Variants in POLDIP3 observed in about 807,000 individuals in gnomAD.
POLDIP3 encodes polymerase delta-interacting protein 3.
Under a neutral mutation model 45.1 loss-of-function variants are expected in POLDIP3, and 14 were observed. The ratio of observed to expected loss-of-function variants is 0.31; its 90% CI spans 0.20 to 0.49. The LOEUF (loss-of-function observed/expected upper bound fraction) is 0.49, where lower values mean the gene tolerates loss of function less well. Ranked by LOEUF, POLDIP3 falls within the 20% of genes least tolerant of loss-of-function variation. The probability of loss-of-function intolerance (pLI) is 0.99; values close to 1 mark genes in which losing one functional copy is unlikely to be tolerated. For missense variants in POLDIP3, 511 were observed against 538.8 expected (o/e 0.95, Z 0.51); for synonymous variants, 223 against 205.2 (o/e 1.09, Z -0.74).
chr22:42,602,785 G>T lies in POLDIP3; in HGVS notation c.435C>A (p.Leu145=). The change falls in exon 2 of 9, where the codon CTC becomes CTA. Residue 145 remains leucine (L), a synonymous_variant. Coordinates refer to ENST00000252115, the MANE Select transcript of POLDIP3 (RefSeq NM_032311.5). ...CACAACTCACCTGGATGGTTTTGGT[G>T]AGCTTCAGAGCAGGGGTCACTGTCC... The part of the protein sequence containing the change: ...PIGTVTPALK[L]TKTIQVPQQK... The T allele has an allele frequency of 6.2e-7, 1 of 1,603,480 alleles. No individual in the cohort carries two copies.
rs561073410 is a variant in POLDIP3 at position 42,613,308 on chromosome 22, G to A, written c.59+1491C>T. Among the ~76,000 whole-genome samples the A allele has an allele frequency of 1.7e-3, 254 of 152,318 alleles. 3 individuals are homozygous for A. The highest frequency in any genetic ancestry group is 5.8e-3 in the African/African-American group (243 of 41,568). On this transcript the variant is annotated intron_variant, in intron 1 of 8. Coordinates refer to ENST00000252115, the MANE Select transcript of POLDIP3 (RefSeq NM_032311.5). ...AGGAAACAAATACTAATGTGTGCCCGTTACGAACCACAAGCCAGGTAAGTG... is the reference window on the plus strand; with the variant it reads ...AGGAAACAAATACTAATGTGTGCCCATTACGAACCACAAGCCAGGTAAGTG...
At chr22:42,587,684 T>C (rs1209744623) in intron 7 of POLDIP3, 112 bp from the exon 8 acceptor site, 6 of 1,008,870 alleles carry the variant, frequency 5.9e-6, no homozygotes, top group African/African-American at 1.6e-5. Flanking sequence ...CACTGGCAGT[T>C]CTGGCTCCAC....
In POLDIP3 at chr22:42,585,376, C is replaced by T; in HGVS notation, c.*415G>A. The T allele has an allele frequency of 4.9e-6, 2 of 405,566 alleles. No individual in the cohort carries two copies. The highest frequency in any genetic ancestry group is 5.9e-5 in the Admixed American group (2 of 33,622). 25.1% of individuals were successfully genotyped at this position (405,566 alleles called of 1,614,324 possible). Reference sequence around the variant, plus strand: ...CCTCCATTGTTTGAAAAGCTTAATACACACAAAGGAAAGGCAGCCCCTCGG... The same window carrying T: ...CCTCCATTGTTTGAAAAGCTTAATATACACAAAGGAAAGGCAGCCCCTCGG... On this transcript the variant is annotated 3_prime_UTR_variant, in exon 9 of 9. Transcript: ENST00000252115.
At chr22:42,600,430 T>A (rs1054952906) in intron 3 of POLDIP3, among the ~76,000 whole-genome samples, 1 of 146,986 alleles carries the variant, frequency 6.8e-6, no homozygotes, top group African/African-American at 2.5e-5. Context: ...ATCGAGATCA[T>A]CCTGGCTAAC....
intron 7 of POLDIP3, 147 bp downstream of exon 7, chr22:42,591,808 C>G (rs1601885516): frequency 9.2e-7 from 1 of 1,089,546 alleles, no homozygotes; most frequent in Non-Finnish European, 1.3e-6. Flanking sequence ...CAGGACTACT[C>G]AGAGACTGCA....
In POLDIP3 at chr22:42,608,579, G is replaced by C. The variant is rs1480711412; in HGVS notation, c.60-5419C>G. Among the ~76,000 whole-genome samples, 3 of 152,136 alleles carry C rather than the reference G, an allele frequency of 2.0e-5. No individual in the cohort carries two copies. In the East Asian group the frequency reaches 5.8e-4, roughly 29 times the overall value. On this transcript the variant is annotated intron_variant, in intron 1 of 8. Coordinates refer to ENST00000252115, the MANE Select transcript of POLDIP3 (RefSeq NM_032311.5). ...ATAAAGGAAGGATAAACAGTCCGCA[G>C]GCTGAAGAAATCTTAGGACTCCGGT...
rs1301098341 is a variant in POLDIP3 at position 42,610,136 on chromosome 22, T to C, written c.59+4663A>G. On this transcript the variant is annotated intron_variant, in intron 1 of 8. Transcript: ENST00000252115. Reference sequence around the variant, plus strand: ...TTTCGGTGAGCTGAGATCGCGCCATTGCACTCCAGCCTGGGCAGCAAGAGC... The same window carrying C: ...TTTCGGTGAGCTGAGATCGCGCCATCGCACTCCAGCCTGGGCAGCAAGAGC... 2.0e-5 allele frequency among the ~76,000 whole-genome samples: 3 copies of C among 152,214 alleles called. 1 individual carries two copies. Among genetic ancestry groups the C allele is most frequent in the South Asian group, 4.2e-4 (2 of 4,812 alleles).
At chr22:42,601,818 G>A in intron 3 of POLDIP3, 152 bp downstream of exon 3, 1 of 928,232 alleles carries the variant, frequency 1.1e-6, no homozygotes, top group Non-Finnish European at 1.5e-6. Flanking sequence ...AAAGTTCGCT[G>A]TAACCCTGCC....
intron 4 of POLDIP3, 121 bp downstream of exon 4, chr22:42,599,577 A>G: frequency 1.3e-6 from 1 of 750,092 alleles, no homozygotes; most frequent in Non-Finnish European, 2.2e-6. Flanking sequence ...GCACTCCAGC[A>G]GCCTGGGGGA....
intron 1 of POLDIP3, among the ~76,000 whole-genome samples, chr22:42,612,415 G>A (rs566019330): frequency 2.0e-5 from 3 of 152,348 alleles, no homozygotes; most frequent in Admixed American, 6.5e-5. Flanking sequence ...GGTGGTCTGC[G>A]TCTAGAGTCC....
chr22:42,595,597 C>T lies in POLDIP3; in HGVS notation c.831G>A (p.Leu277=). The T allele has an allele frequency of 6.2e-7, 1 of 1,613,948 alleles. No individual in the cohort carries two copies. The highest frequency in any genetic ancestry group is 8.5e-7 in the Non-Finnish European group (1 of 1,179,936). ...TATTCACAGTCATCTTGGTGCCTTC[C>T]AATGGGCTGAGAACAGGCTGCCACA... ...LPAAEPVLSP[L]EGTKMTVNNL... is the part of the protein sequence containing the mutation. Residue 277 remains leucine (L), a synonymous_variant, in exon 6 of 9, where the codon TTG becomes TTA. Transcript: ENST00000252115.
intron 5 of POLDIP3, 22 bp from the exon 6 acceptor site, chr22:42,595,636 T>C: frequency 6.2e-7 from 1 of 1,608,612 alleles, no homozygotes; most frequent in Non-Finnish European, 8.5e-7. Flanking sequence ...ACAAGAGCAT[T>C]ACCAGAAGCC....
intron 3 of POLDIP3, among the ~76,000 whole-genome samples, chr22:42,601,693 A>G (rs1926387084): frequency 6.6e-6 from 1 of 152,216 alleles, no homozygotes; most frequent in Admixed American, 6.5e-5. Context: ...CCCGGGAGGC[A>G]GAGGTTGCAG....
intron 7 of POLDIP3, 45 bp from the exon 8 acceptor site, chr22:42,587,617 C>T (rs1925394352): frequency 6.4e-7 from 1 of 1,553,106 alleles, no homozygotes; most frequent in Non-Finnish European, 8.9e-7. Flanking sequence ...GAGACCTCGG[C>T]TCCTCACACA....
intron 6 of POLDIP3, among the ~76,000 whole-genome samples, chr22:42,594,694 ATGT>A (rs1925876550): frequency 6.6e-6 from 1 of 152,194 alleles, no homozygotes; most frequent in Non-Finnish European, 1.5e-5. Context: ...AATGAAAATG[ATGT>A]TGAAAAGAAG....
intron 7 of POLDIP3, among the ~76,000 whole-genome samples, chr22:42,589,646 C>T (rs1021159530): frequency 3.9e-5 from 6 of 151,980 alleles, no homozygotes; most frequent in African/African-American, 7.3e-5. Context: ...GAAATCAAGA[C>T]CATCCTGGCT....
Position 42,585,065 on chromosome 22 carries a change from C to G in POLDIP3, c.*726G>C. The G allele has an allele frequency of 2.2e-6, 1 of 452,464 alleles. No homozygotes were observed. Among genetic ancestry groups the G allele is most frequent in the South Asian group, 1.6e-5 (1 of 64,054 alleles). 28.0% of individuals were successfully genotyped at this position (452,464 alleles called of 1,614,324 possible). A position where few individuals can be genotyped will look rare whatever the true frequency, so the allele number is the denominator to read the frequency against. ...AAAGACACCCAGAAGGGAAAGAGAG[C>G]TGGGGTGGGGCATTCAGCACAACTC... On this transcript the variant is annotated 3_prime_UTR_variant, in exon 9 of 9. Coordinates refer to ENST00000252115, the MANE Select transcript of POLDIP3 (RefSeq NM_032311.5).
Position 42,599,594 on chromosome 22 carries a change from C to G in POLDIP3, c.633+104G>C, listed in dbSNP as rs867926509. 4.8e-6 allele frequency: 4 copies of G among 836,908 alleles called. No individual in the cohort carries two copies. In the African/African-American group the frequency reaches 7.0e-5, roughly 15 times the overall value. The allele number at this position is 836,908 out of a possible 1,614,324, so 51.8% of individuals were successfully genotyped here. ...ACTCCAGCAGCCTGGGGGAGAAGAG[C>G]GAGATGTCGTCTCAAAACAAAAAAA... On this transcript the variant is annotated intron_variant, in intron 4 of 8. Coordinates refer to ENST00000252115, the MANE Select transcript of POLDIP3 (RefSeq NM_032311.5).
At chr22:42,591,470 G>A (rs1316243154) in intron 7 of POLDIP3, among the ~76,000 whole-genome samples, 1 of 152,238 alleles carries the variant, frequency 6.6e-6, no homozygotes. Flanking sequence ...GAACAAATGA[G>A]TGGAAAAGGA....
Sources: gnomAD v4.1 joint callset for allele counts (sites outside exome capture counted in the v4.1 genomes callset) on GRCh38, gnomAD v4.1.1 for gene constraint, MANE v1.5 for transcripts, NCBI Gene and HGNC (gene_info 2026-07-23, HGNC 2026-07-21) for gene names.